The following TERF1 variants were observed in gnomAD, a reference collection of about 807,000 sequenced individuals.
TERF1 encodes the protein telomeric repeat binding factor 1.
A neutral mutation model predicts 55.1 loss-of-function variants in TERF1; 20 were observed. The ratio of observed to expected loss-of-function variants is 0.36; its 90% CI spans 0.26 to 0.53. TERF1 has a LOEUF of 0.53. Ranked by LOEUF, TERF1 falls within the 20% of genes least tolerant of loss-of-function variation. TERF1 has a pLI of 0.91. For synonymous variants in TERF1, 168 were observed against 181.2 expected, an observed-to-expected ratio of 0.93 and a Z score of 0.59; for missense variants, 439 against 535.7, an observed-to-expected ratio of 0.82 and a Z score of 1.78.
intron 4 of TERF1, among the ~76,000 whole-genome samples, chr8:73,023,815 A>C (rs6989493): frequency 3.2e-3 from 485 of 152,354 alleles, no homozygotes; most frequent in Admixed American, 6.9e-3. Context: ...TTGTCTCAAC[A>C]AATTGAGAAA....
chr8:73,038,542 AT>A (rs1360573593), intron 8 of TERF1, among the ~76,000 whole-genome samples: 3 of 151,820 alleles, frequency 2.0e-5, no homozygotes, highest in Non-Finnish European at 4.4e-5. Context: ...TAATTAAATT[AT>A]TTTAACTGTT....
intron 4 of TERF1, 116 bp from the exon 5 acceptor site, chr8:73,024,706 C>T (rs1267921187): frequency 2.4e-5 from 18 of 742,364 alleles, no homozygotes; most frequent in Non-Finnish European, 2.9e-5. Flanking sequence ...TTAAAAATAT[C>T]TGTGTCTCTT....
intron 8 of TERF1, among the ~76,000 whole-genome samples, chr8:73,037,034 A>G (rs1809544720): frequency 7.2e-6 from 1 of 139,296 alleles, no homozygotes; most frequent in African/African-American, 2.6e-5. Context: ...TATATATAAT[A>G]TATAATGTAC....
chr8:73,028,664 A>G (rs1809139135), intron 6 of TERF1, among the ~76,000 whole-genome samples: 3 of 150,482 alleles, frequency 2.0e-5, no homozygotes, highest in Non-Finnish European at 4.4e-5. Flanking sequence ...AGCAGCACAG[A>G]AGCTTTGTTC....
At chr8:73,045,871 A>G (rs1810009110) in intron 9 of TERF1, 90 bp from the exon 10 acceptor site, 3 of 1,022,542 alleles carry the variant, frequency 2.9e-6, no homozygotes, top group Admixed American at 3.1e-5. Context: ...ACTAAGCATT[A>G]TTTTGATTTT....
chr8:73,037,922 T>TATGATATAATATATA, intron 8 of TERF1, among the ~76,000 whole-genome samples: 1 of 128,054 alleles, frequency 7.8e-6, no homozygotes, highest in Non-Finnish European at 1.6e-5. Context: ...TAATATATAA[T>TATGATATAATATATA]ATATATAAAT....
chr8:73,030,176 A>G, intron 6 of TERF1, 160 bp from the exon 7 acceptor site: 1 of 423,940 alleles, frequency 2.4e-6, no homozygotes, highest in Non-Finnish European at 4.2e-6. Flanking sequence ...GACAAGAATT[A>G]GCCATGTTGT....
chr8:73,030,960 A>C (rs973899324), intron 7 of TERF1: 3 of 152,292 alleles, frequency 2.0e-5, no homozygotes, highest in Non-Finnish European at 2.9e-5. Flanking sequence ...AAGATGGTAT[A>C]TGAATTGTCT....
rs1255811022 is a variant in TERF1 at position 73,047,122 on chromosome 8, A to G, written c.*985A>G. 1.3e-5 allele frequency: 2 copies of G among 152,138 alleles called. No homozygotes were observed. The highest frequency in any genetic ancestry group is 4.8e-5 in the African/African-American group (2 of 41,426). The allele number at this position is 152,138 out of a possible 1,614,324, so 9.4% of individuals were successfully genotyped here. A position where few individuals can be genotyped will look rare whatever the true frequency, so the allele number is the denominator to read the frequency against. ...AGGATCATACGTACCCCAAACCTCA[A>G]CATCACACAGTATACTCAGCTAACA... On this transcript the variant is annotated 3_prime_UTR_variant, in exon 10 of 10. Coordinates refer to ENST00000276603, the MANE Select transcript of TERF1 (RefSeq NM_017489.3).
intron 6 of TERF1, among the ~76,000 whole-genome samples, chr8:73,027,637 A>G (rs1809072587): frequency 6.6e-6 from 1 of 152,184 alleles, no homozygotes; most frequent in Non-Finnish European, 1.5e-5. Flanking sequence ...ATTGAGAAAG[A>G]TATAACTCTT....
Position 73,026,236 on chromosome 8 carries a change from G to A in TERF1, c.775-704G>A, listed in dbSNP as rs559893551. On this transcript the variant is annotated intron_variant, in intron 5 of 9. Transcript: ENST00000276603. ...TTTCTAGTCAGGCGCGGTAACTCAC[G>A]CCTGTAATCCCAGCACTTTGGGAAG... is the stretch of plus-strand genomic sequence containing the variant. Among the ~76,000 whole-genome samples, 11 of 147,876 alleles carry A rather than the reference G, an allele frequency of 7.4e-5. No individual in the cohort carries two copies. The East Asian group carries it at 1.8e-3, about 24-fold the overall frequency.
intron 7 of TERF1, chr8:73,030,726 T>TA (rs2129833684): frequency 5.0e-6 from 1 of 199,108 alleles, no homozygotes; most frequent in East Asian, 1.2e-4. Flanking sequence ...GGATGGCAAT[T>TA]ACATTTCTAA....
At chr8:73,034,390 C>T (rs1235349943) in intron 8 of TERF1, among the ~76,000 whole-genome samples, 1 of 152,066 alleles carries the variant, frequency 6.6e-6, no homozygotes, top group African/African-American at 2.4e-5. Flanking sequence ...CCTCGGCCTC[C>T]CCAAAGTGCT....
intron 1 of TERF1, chr8:73,012,473 T>C (rs1190497411): frequency 6.5e-6 from 1 of 153,470 alleles, no homozygotes; most frequent in Non-Finnish European, 1.4e-5. Flanking sequence ...ATCGAGACCA[T>C]CCTGGCTAAC....
intron 8 of TERF1, among the ~76,000 whole-genome samples, chr8:73,034,888 T>A (rs1376718670): frequency 6.6e-6 from 1 of 152,092 alleles, no homozygotes; most frequent in Non-Finnish European, 1.5e-5. Flanking sequence ...GAGCCAAAAT[T>A]TGAAATCAGA....
At chr8:73,010,629 C>A (rs995887902) in intron 1 of TERF1, 1 of 152,188 alleles carries the variant, frequency 6.6e-6, no homozygotes, top group Non-Finnish European at 1.5e-5. Context: ...AAAGACCTCA[C>A]TTGGCTTTAT....
chr8:73,044,422 G>C (rs1331450853), intron 9 of TERF1, among the ~76,000 whole-genome samples: 2 of 152,092 alleles, frequency 1.3e-5, no homozygotes, highest in Non-Finnish European at 2.9e-5. Context: ...CAACTTTTTG[G>C]TACTGAGTCA....
chr8:73,022,420 C>T (rs1463712601), intron 4 of TERF1, 118 bp downstream of exon 4: 1 of 537,828 alleles, frequency 1.9e-6, no homozygotes, highest in Non-Finnish European at 3.1e-6. Context: ...TAGAATAATA[C>T]CGTGCAACAG....
At chr8:73,037,212 T>G (rs1253490895) in intron 8 of TERF1, among the ~76,000 whole-genome samples, 2 of 136,122 alleles carry the variant, frequency 1.5e-5, no homozygotes, top group African/African-American at 2.7e-5. Context: ...ATATAATTTA[T>G]ATATAATTAT....
Sources: gnomAD v4.1 joint callset for allele counts (sites outside exome capture counted in the v4.1 genomes callset) on GRCh38, gnomAD v4.1.1 for gene constraint, MANE v1.5 for transcripts, NCBI Gene and HGNC (gene_info 2026-07-23, HGNC 2026-07-21) for gene names.